Variants in CACNG3 observed in about 807,000 individuals in gnomAD.
CACNG3 encodes the protein voltage-dependent calcium channel gamma-3 subunit.
In CACNG3, 3 loss-of-function variants were observed where a neutral mutation model predicts 28.5. That is an observed-to-expected ratio of 0.11 (90% CI 0.05 to 0.27). The LOEUF (loss-of-function observed/expected upper bound fraction) is 0.27, where lower values mean the gene tolerates loss of function less well. CACNG3 is among the 10% of genes least tolerant of loss of function. The pLI is 1.00. For synonymous variants in CACNG3, 174 were observed against 162.2 expected (o/e 1.07, Z -0.55); for missense variants, 236 against 414.4 (o/e 0.57, Z 3.74).
intron 1 of CACNG3, among the ~76,000 whole-genome samples, chr16:24,346,515 C>G (rs895284846): frequency 6.6e-6 from 1 of 152,184 alleles, no homozygotes; most frequent in African/African-American, 2.4e-5. Flanking sequence ...GAGTTCAAGA[C>G]TGCAGTGAGC....
intron 1 of CACNG3, among the ~76,000 whole-genome samples, chr16:24,311,650 G>C (rs1444563990): frequency 1.3e-5 from 2 of 152,148 alleles, no homozygotes; most frequent in Admixed American, 1.3e-4. Flanking sequence ...GAGGTCAGGA[G>C]TTCAAGACCA....
chr16:24,353,074 C>T (rs1899978587), intron 2 of CACNG3, among the ~76,000 whole-genome samples: 1 of 152,208 alleles, frequency 6.6e-6, no homozygotes, highest in South Asian at 2.1e-4. Flanking sequence ...TTCCTGAGTT[C>T]AAGCAATTCT....
intron 1 of CACNG3, among the ~76,000 whole-genome samples, chr16:24,286,649 A>G (rs1596628238): frequency 1.3e-5 from 2 of 152,296 alleles, no homozygotes; most frequent in African/African-American, 4.8e-5. Context: ...GTAATACACT[A>G]GTACCTTAGG....
intron 1 of CACNG3, among the ~76,000 whole-genome samples, chr16:24,343,119 G>A (rs552508565): frequency 1.3e-5 from 2 of 152,212 alleles, no homozygotes; most frequent in Admixed American, 1.3e-4. Flanking sequence ...AACTGGGGAG[G>A]CGGAGGTTGC....
intron 2 of CACNG3, among the ~76,000 whole-genome samples, chr16:24,350,529 T>C (rs1899927509): frequency 6.6e-6 from 1 of 152,128 alleles, no homozygotes; most frequent in African/African-American, 2.4e-5. Context: ...CTCAAACTCC[T>C]GTCCTCAAAC....
chr16:24,317,252 T>C (rs1899364439), intron 1 of CACNG3, among the ~76,000 whole-genome samples: 1 of 151,842 alleles, frequency 6.6e-6, no homozygotes, highest in Admixed American at 6.6e-5. Context: ...TAAGAAGGTG[T>C]AGAAGCAAGC....
intron 3 of CACNG3, among the ~76,000 whole-genome samples, chr16:24,360,066 G>T (rs949649227): frequency 6.6e-6 from 1 of 152,104 alleles, no homozygotes; most frequent in Non-Finnish European, 1.5e-5. Context: ...AATTCAGGAG[G>T]CTCCTGGAAA....
At chr16:24,350,960 G>A (rs1462008499) in intron 2 of CACNG3, among the ~76,000 whole-genome samples, 1 of 152,132 alleles carries the variant, frequency 6.6e-6, no homozygotes, top group Non-Finnish European at 1.5e-5. Flanking sequence ...TTAAAAATAA[G>A]CTACACTCAC....
At chr16:24,309,938 T>C (rs1899238091) in intron 1 of CACNG3, among the ~76,000 whole-genome samples, 1 of 152,108 alleles carries the variant, frequency 6.6e-6, no homozygotes, top group Non-Finnish European at 1.5e-5. Flanking sequence ...ACTTCAGACG[T>C]AATTTTAAAT....
intron 1 of CACNG3, among the ~76,000 whole-genome samples, chr16:24,322,431 C>T (rs1427245318): frequency 6.6e-6 from 1 of 152,118 alleles, no homozygotes; most frequent in Non-Finnish European, 1.5e-5. Flanking sequence ...TTCTCCTCTG[C>T]CCCCTCCCCA....
At chr16:24,286,559 A>G (rs1054623616) in intron 1 of CACNG3, among the ~76,000 whole-genome samples, 7 of 152,174 alleles carry the variant, frequency 4.6e-5, no homozygotes, top group African/African-American at 1.7e-4. Context: ...CTCTGTTGCC[A>G]TCGCCATGCT....
At chr16:24,296,887 A>G (rs2141357886) in intron 1 of CACNG3, among the ~76,000 whole-genome samples, 1 of 152,252 alleles carries the variant, frequency 6.6e-6, no homozygotes, top group South Asian at 2.1e-4. Flanking sequence ...TTGCCCCTCA[A>G]ACAGGAACAG....
At chr16:24,348,150 C>T (rs1401258255) in intron 2 of CACNG3, among the ~76,000 whole-genome samples, 1 of 152,124 alleles carries the variant, frequency 6.6e-6, no homozygotes, top group African/African-American at 2.4e-5. Context: ...GTAATCTCAG[C>T]ACTTTAGGAG....
At chr16:24,346,004 T>G (rs1899860400) in intron 1 of CACNG3, among the ~76,000 whole-genome samples, 1 of 152,200 alleles carries the variant, frequency 6.6e-6, no homozygotes, top group Non-Finnish European at 1.5e-5. Flanking sequence ...ACCTGAGTGA[T>G]TTCAAGAAAA....
chr16:24,308,839 C>CAAAAAAAAAAAAAAAAAAAA (rs71154298), intron 1 of CACNG3, among the ~76,000 whole-genome samples: 21 of 27,274 alleles, frequency 7.7e-4, no homozygotes, highest in South Asian at 2.1e-3. Flanking sequence ...GAACCTACCT[C>CAAAAAAAAAAAAAAAAAAAA]AAAAAAAAAA....
At chr16:24,282,397 C>T (rs1015539198) in intron 1 of CACNG3, among the ~76,000 whole-genome samples, 2 of 147,276 alleles carry the variant, frequency 1.4e-5, no homozygotes, top group African/African-American at 2.5e-5. Flanking sequence ...GCGGCTTCTT[C>T]ATTACTTCCT....
At chr16:24,295,255 T>C (rs962682847) in intron 1 of CACNG3, among the ~76,000 whole-genome samples, 2 of 152,130 alleles carry the variant, frequency 1.3e-5, no homozygotes, top group African/African-American at 2.4e-5. Flanking sequence ...AGCTATGGTA[T>C]GTCAAAACTA....
At chr16:24,337,497 A>G (rs577270254) in intron 1 of CACNG3, among the ~76,000 whole-genome samples, 1 of 151,974 alleles carries the variant, frequency 6.6e-6, no homozygotes, top group Non-Finnish European at 1.5e-5. Context: ...CTTTCTCCAG[A>G]GACAGATGAC....
chr16:24,259,086 T>C lies in CACNG3; in HGVS notation c.211+2121T>C, dbSNP rs377047881. Among the ~76,000 whole-genome samples, 60 of 152,316 alleles carry C rather than the reference T, an allele frequency of 3.9e-4. No individual in the cohort carries two copies. The East Asian group carries it at 5.2e-3, about 13-fold the overall frequency. On this transcript the variant is annotated intron_variant, in intron 1 of 3. Coordinates refer to ENST00000005284, the MANE Select transcript of CACNG3 (RefSeq NM_006539.4). The stretch of plus-strand genomic sequence containing the variant: ...GAAATTGAATCAAGAAGGAATTGGA[T>C]GAATTGAAGACATAACCTTGGGCAG...
Sources: allele counts gnomAD v4.1 joint callset (sites outside exome capture counted in the v4.1 genomes callset), GRCh38; gene constraint gnomAD v4.1.1; transcripts MANE v1.5; gene names NCBI Gene and HGNC (gene_info 2026-07-23, HGNC 2026-07-21).